The following GPR26 variants were observed in gnomAD, a reference collection of about 807,000 sequenced individuals.
The protein encoded by GPR26 is G protein-coupled receptor 26.
A neutral mutation model predicts 23.1 loss-of-function variants in GPR26; 15 were observed. That is an observed-to-expected ratio of 0.65 (90% CI 0.43 to 1.00). The LOEUF is 1.00. Ranked by LOEUF, GPR26 falls within the 50% of genes least tolerant of loss-of-function variation. The probability of loss-of-function intolerance (pLI) is 0.00; values close to 1 mark genes in which losing one functional copy is unlikely to be tolerated. For missense variants in GPR26, 359 were observed against 470.5 expected, an observed-to-expected ratio of 0.76 and a Z score of 2.19; for synonymous variants, 228 against 222.1, an observed-to-expected ratio of 1.03 and a Z score of -0.24.
chr10:123,685,244 T>C (rs936983370), intron 2 of GPR26, among the ~76,000 whole-genome samples: 3 of 152,138 alleles, frequency 2.0e-5, no homozygotes, highest in Non-Finnish European at 2.9e-5. Flanking sequence ...ATGGACTGAA[T>C]TGTCCCTCTC....
rs777193815 is a variant in GPR26, at chr10:123,690,989, C to A, written c.*2829C>A. On this transcript the variant is annotated 3_prime_UTR_variant, in exon 3 of 3. Coordinates refer to ENST00000284674, the MANE Select transcript of GPR26 (RefSeq NM_153442.4). ...GTGAACTGTTGGACTGGGTAGAAAT[C>A]TTTCAAGAAGCTTGAAAATAAGGCC... 3.9e-5 allele frequency: 6 copies of A among 152,180 alleles called. No homozygotes were observed. The highest frequency in any genetic ancestry group is 8.8e-5 in the Non-Finnish European group (6 of 68,028). The allele number at this position is 152,180 out of a possible 1,614,324, so 9.4% of individuals were successfully genotyped here.
intron 2 of GPR26, among the ~76,000 whole-genome samples, chr10:123,675,854 G>GTGTGTT (rs1845303959): frequency 6.7e-6 from 1 of 149,572 alleles, no homozygotes; most frequent in Non-Finnish European, 1.5e-5. Context: ...GTGTGTGTGT[G>GTGTGTT]TAAGAGAGAG....
rs1845283353 is a variant in GPR26 at position 123,674,363 on chromosome 10, ACTT to A, written c.669-454_669-452del. Among the ~76,000 whole-genome samples, 1 of 152,224 alleles carries A rather than the reference ACTT, an allele frequency of 6.6e-6. No homozygotes were observed. The highest frequency in any genetic ancestry group is 2.1e-4 in the South Asian group (1 of 4,824). On this transcript the variant is annotated intron_variant, in intron 1 of 2. Coordinates refer to ENST00000284674, the MANE Select transcript of GPR26 (RefSeq NM_153442.4). The surrounding 1 kb of genome is among the most constrained non-coding windows in gnomAD (Gnocchi z 4.1). ...GGTAAAGAGAAGAATCTGAGATACTACTTAGAGAGTGGGGCACTCTGGAGCCAG... is the reference window on the plus strand; with the variant it reads ...GGTAAAGAGAAGAATCTGAGATACTAAGAGAGTGGGGCACTCTGGAGCCAG...
At chr10:123,673,829 GA>G (rs2133923830) in intron 1 of GPR26, among the ~76,000 whole-genome samples, 1 of 152,312 alleles carries the variant, frequency 6.6e-6, no homozygotes, top group Admixed American at 6.5e-5. Context: ...AGTCATGCAC[GA>G]GGGTTCAAAT....
At chr10:123,678,933 TGAG>T (rs1328930037) in intron 2 of GPR26, among the ~76,000 whole-genome samples, 4 of 152,166 alleles carry the variant, frequency 2.6e-5, no homozygotes, top group African/African-American at 9.7e-5. Context: ...ACATTGCTTG[TGAG>T]GAGAAGCCAA....
chr10:123,681,902 T>A (rs1379258784), intron 2 of GPR26, among the ~76,000 whole-genome samples: 1 of 152,162 alleles, frequency 6.6e-6, no homozygotes, highest in African/African-American at 2.4e-5. Flanking sequence ...TTTAACAAGG[T>A]AAGTGCTAGA....
At chr10:123,684,146 C>T (rs1845407444) in intron 2 of GPR26, among the ~76,000 whole-genome samples, 2 of 152,140 alleles carry the variant, frequency 1.3e-5, no homozygotes, top group South Asian at 4.1e-4. Context: ...ACGTTTCCCC[C>T]GAATGGAGCC....
chr10:123,673,360 C>T (rs1845272258), intron 1 of GPR26, among the ~76,000 whole-genome samples: 2 of 152,200 alleles, frequency 1.3e-5, no homozygotes, highest in African/African-American at 4.8e-5. Context: ...GAACCTGGCT[C>T]ATGAATATTC....
intron 2 of GPR26, among the ~76,000 whole-genome samples, chr10:123,681,518 C>T (rs1158419556): frequency 6.6e-6 from 1 of 152,188 alleles, no homozygotes; most frequent in African/African-American, 2.4e-5. Context: ...CCGCCTTGTA[C>T]CTTATAAATG....
intron 2 of GPR26, among the ~76,000 whole-genome samples, chr10:123,679,107 CAGA>C (rs929397366): frequency 3.3e-5 from 5 of 152,204 alleles, no homozygotes; most frequent in African/African-American, 1.2e-4. Context: ...TCACCAGTCT[CAGA>C]AGAAGCTGAA....
At chr10:123,683,117 AG>A (rs746748471) in intron 2 of GPR26, among the ~76,000 whole-genome samples, 8 of 75,798 alleles carry the variant, frequency 1.1e-4, no homozygotes, top group Non-Finnish European at 2.5e-4. Flanking sequence ...GTGTAAATAA[AG>A]GGTGCTAATT....
intron 1 of GPR26, among the ~76,000 whole-genome samples, chr10:123,669,802 TG>T (rs1264370011): frequency 6.6e-6 from 1 of 152,244 alleles, no homozygotes; most frequent in Non-Finnish European, 1.5e-5. Context: ...TAATTCAATC[TG>T]GGACCCTGGC....
chr10:123,675,839 T>TGTGTGTAC (rs1431490191), intron 2 of GPR26, among the ~76,000 whole-genome samples: 1 of 150,554 alleles, frequency 6.6e-6, no homozygotes, highest in Non-Finnish European at 1.5e-5. Context: ...TGTACGTGTG[T>TGTGTGTAC]GTGTGTGTGT....
At position 123,695,974 on chromosome 10, in the gene GPR26, C is replaced by A. The variant is rs1029965466; in HGVS notation, c.*7814C>A. ...CAAACAGCACAAATTAAAAAGGTGC[C>A]TTGCCTGATGCCCATTACCACCTGG... On this transcript the variant is annotated 3_prime_UTR_variant, in exon 3 of 3. Coordinates refer to ENST00000284674, the MANE Select transcript of GPR26 (RefSeq NM_153442.4). Among the ~76,000 whole-genome samples, 1 of 152,162 alleles carries A rather than the reference C, an allele frequency of 6.6e-6. No individual in the cohort carries two copies. The highest frequency in any genetic ancestry group is 6.5e-5 in the Admixed American group (1 of 15,284).
In GPR26 at chr10:123,688,310, C is replaced by G; in HGVS notation, c.*150C>G. 1.6e-6 allele frequency: 1 copy of G among 621,984 alleles called. No individual in the cohort carries two copies. Among genetic ancestry groups the G allele is most frequent in the Non-Finnish European group, 2.8e-6 (1 of 350,912 alleles). 38.5% of individuals were successfully genotyped at this position (621,984 alleles called of 1,614,324 possible). A position where few individuals can be genotyped will look rare whatever the true frequency, so the allele number is the denominator to read the frequency against. ...CCCTGGCTTGTAGGGGCTCCAGAGC[C>G]TGCTTCCTGGTTCCTCAAGGGCAGA... On this transcript the variant is annotated 3_prime_UTR_variant, in exon 3 of 3. Coordinates refer to ENST00000284674, the MANE Select transcript of GPR26 (RefSeq NM_153442.4).
Position 123,666,513 on chromosome 10 carries a change from A to G in GPR26, c.106A>G (p.Ile36Val). 1 of 1,578,252 alleles carries G rather than the reference A, an allele frequency of 6.3e-7. No individual in the cohort carries two copies. Among genetic ancestry groups the G allele is most frequent in the African/African-American group, 1.3e-5 (1 of 74,096 alleles). Residue 36 changes from isoleucine (I) to valine (V), a missense_variant, in exon 1 of 3, where the codon ATC becomes GTC. Transcript: ENST00000284674. ...VLLCLLHSAD[I>V]RRQAPALFTL... ...GCTCTGCCTGCTGCACAGCGCGGAC[A>G]TCCGCCGCCAGGCGCCGGCGCTCTT...
intron 2 of GPR26, among the ~76,000 whole-genome samples, chr10:123,675,845 T>TGTGTGTGTGTGTGTGTGTGC (rs1554863882): frequency 6.7e-6 from 1 of 149,316 alleles, no homozygotes; most frequent in South Asian, 2.1e-4. Flanking sequence ...TGTGTGTGTG[T>TGTGTGTGTGTGTGTGTGTGC]GTGTGTGTGT....
Position 123,684,002 on chromosome 10 carries a change from C to A in GPR26, c.783-3927C>A, listed in dbSNP as rs551312414. Reference sequence around the variant, plus strand: ...CCCTGACATGCTTGGAAGAGGGGATCCCGGCCTCTCCCCAGCTCCATCCCC... The same window carrying A: ...CCCTGACATGCTTGGAAGAGGGGATACCGGCCTCTCCCCAGCTCCATCCCC... On this transcript the variant is annotated intron_variant, in intron 2 of 2. Coordinates refer to ENST00000284674, the MANE Select transcript of GPR26 (RefSeq NM_153442.4). Among the ~76,000 whole-genome samples the A allele has an allele frequency of 1.2e-4, 19 of 152,264 alleles. No homozygotes were observed. The South Asian group carries it at 3.9e-3, about 32-fold the overall frequency.
At position 123,687,938 on chromosome 10, in the gene GPR26, G is replaced by C; in HGVS notation, c.792G>C (p.Glu264Asp). The C allele has an allele frequency of 6.2e-7, 1 of 1,609,202 alleles. No homozygotes were observed. The highest frequency in any genetic ancestry group is 8.5e-7 in the Non-Finnish European group (1 of 1,175,820). Reference protein sequence around the residue: ...FAPYVITRLVELFSTVPIGSH... With the variant: ...FAPYVITRLVDLFSTVPIGSH... ...CCCTGTCTCTCCACAGGCTAGTGGAGCTCTTCTCCACGGTGCCCATCGGCT... is the reference window on the plus strand; with the variant it reads ...CCCTGTCTCTCCACAGGCTAGTGGACCTCTTCTCCACGGTGCCCATCGGCT... The change falls in exon 3 of 3, where the codon GAG becomes GAC. Residue 264 changes from glutamate (E) to aspartate (D), a missense_variant. Coordinates refer to ENST00000284674, the MANE Select transcript of GPR26 (RefSeq NM_153442.4).
Sources: allele counts gnomAD v4.1 joint callset (sites outside exome capture counted in the v4.1 genomes callset), GRCh38; gene constraint gnomAD v4.1.1; non-coding constraint Gnocchi (gnomAD v3.1); transcripts MANE v1.5; gene names NCBI Gene and HGNC (gene_info 2026-07-23, HGNC 2026-07-21).